The following FYB1 variants were observed in gnomAD, a reference collection of about 807,000 sequenced individuals.
FYB1 encodes FYN-binding protein 1.
FYB1 carries 41 observed loss-of-function variants against 94.1 expected under a neutral mutation model. The ratio of observed to expected loss-of-function variants is 0.44; its 90% CI spans 0.34 to 0.57. The LOEUF is 0.57. FYB1 is among the 20% of genes least tolerant of loss of function. The probability of loss-of-function intolerance (pLI) is 0.02; values close to 1 mark genes in which losing one functional copy is unlikely to be tolerated. For synonymous variants in FYB1, 367 were observed against 353.2 expected, an observed-to-expected ratio of 1.04 and a Z score of -0.44; for missense variants, 1,050 against 976.8, an observed-to-expected ratio of 1.07 and a Z score of -1.00.
chr5:39,211,905 A>G (rs1229671802), intron 1 of FYB1, among the ~76,000 whole-genome samples: 1 of 152,052 alleles, frequency 6.6e-6, no homozygotes, highest in East Asian at 1.9e-4. Context: ...GGGGTGGAGG[A>G]ATGAGGCTAT....
chr5:39,153,344 A>G, intron 3 of FYB1, 104 bp downstream of exon 3: 1 of 1,419,322 alleles, frequency 7.0e-7, no homozygotes, highest in Non-Finnish European at 9.9e-7. Context: ...CCACTTTTGT[A>G]GACCCAGAAG....
chr5:39,159,743 A>C (rs1334411231), intron 2 of FYB1, among the ~76,000 whole-genome samples: 1 of 152,106 alleles, frequency 6.6e-6, no homozygotes, highest in Non-Finnish European at 1.5e-5. Flanking sequence ...ACATTCTAAC[A>C]ATGGCATTTT....
At chr5:39,223,861 T>C (rs552370753), upstream of FYB1, among the ~76,000 whole-genome samples, 1 of 152,270 alleles carries the variant, frequency 6.6e-6, no homozygotes, top group South Asian at 2.1e-4. Context: ...ATTTCAGATA[T>C]AAGAATTTCT....
intron 2 of FYB1, among the ~76,000 whole-genome samples, chr5:39,168,003 A>G (rs1343989617): frequency 6.6e-6 from 1 of 152,248 alleles, no homozygotes; most frequent in East Asian, 1.9e-4. Context: ...CACAAAAGAC[A>G]CTTTATAAAT....
upstream of FYB1, among the ~76,000 whole-genome samples, chr5:39,223,589 A>G (rs947754208): frequency 6.6e-6 from 1 of 152,222 alleles, no homozygotes; most frequent in Non-Finnish European, 1.5e-5. Context: ...CTAACACCTC[A>G]GTGCTTCTGG....
At chr5:39,242,990 T>G (rs1206178973) in intron 1 of FYB1, among the ~76,000 whole-genome samples, 1 of 152,192 alleles carries the variant, frequency 6.6e-6, no homozygotes, top group African/African-American at 2.4e-5. Context: ...TGGGGTTGTT[T>G]GTTTATTTCT....
At chr5:39,231,413 C>T (rs1750740067) in intron 1 of FYB1, among the ~76,000 whole-genome samples, 1 of 152,034 alleles carries the variant, frequency 6.6e-6, no homozygotes, top group South Asian at 2.1e-4. Context: ...CTGTTAGGTG[C>T]TATGGCAAAG....
chr5:39,190,792 G>GTGTGT (rs74849291), intron 2 of FYB1, among the ~76,000 whole-genome samples: 3 of 150,518 alleles, frequency 2.0e-5, no homozygotes, highest in South Asian at 2.1e-4. Flanking sequence ...GTGTGTGTGT[G>GTGTGT]AGAGAGAGAT....
At chr5:39,240,483 A>C (rs1165048636) in intron 1 of FYB1, among the ~76,000 whole-genome samples, 1 of 152,226 alleles carries the variant, frequency 6.6e-6, no homozygotes, top group Non-Finnish European at 1.5e-5. Flanking sequence ...ACAAGCCAAA[A>C]TCAATGCCAT....
chr5:39,126,837 T>C lies in FYB1; in HGVS notation c.1908-702A>G, dbSNP rs866973224. ...ACTTTGGGAGGCTAGGGCAGGCAGA[T>C]CACCCGAGATCAGAAGTTCGAGACC... On this transcript the variant is annotated intron_variant, in intron 11 of 18. Coordinates refer to ENST00000512982, the MANE Select transcript of FYB1 (RefSeq NM_001465.6). Among the ~76,000 whole-genome samples, 14 of 151,284 alleles carry C rather than the reference T, an allele frequency of 9.3e-5. 1 individual carries two copies. In the South Asian group the frequency reaches 2.9e-3, roughly 32 times the overall value.
chr5:39,145,259 G>A (rs145280285), intron 3 of FYB1, among the ~76,000 whole-genome samples: 173 of 152,288 alleles, frequency 1.1e-3, no homozygotes, highest in African/African-American at 3.8e-3. Flanking sequence ...CAATTTAATA[G>A]ATTTATGAGA....
At chr5:39,129,321 A>G (rs957086044) in intron 10 of FYB1, among the ~76,000 whole-genome samples, 3 of 152,120 alleles carry the variant, frequency 2.0e-5, no homozygotes, top group African/African-American at 4.8e-5. Flanking sequence ...AGATAGATTA[A>G]GGATTTAAAC....
intron 2 of FYB1, among the ~76,000 whole-genome samples, chr5:39,165,221 A>G (rs1354419818): frequency 6.6e-6 from 1 of 152,234 alleles, no homozygotes; most frequent in South Asian, 2.1e-4. Flanking sequence ...GAGCCATCAC[A>G]TTACCTGTCT....
intron 1 of FYB1, among the ~76,000 whole-genome samples, chr5:39,273,432 C>T (rs944204668): frequency 6.6e-6 from 1 of 152,166 alleles, no homozygotes; most frequent in Non-Finnish European, 1.5e-5. Context: ...ATATGTCAAA[C>T]ATCACATATG....
In FYB1 at chr5:39,247,144, C is replaced by A. The variant is rs1444584365; in HGVS notation, c.-28+27259G>T. Among the ~76,000 whole-genome samples the A allele has an allele frequency of 2.5e-5, 3 of 119,922 alleles. No homozygotes were observed. In the Admixed American group the frequency reaches 2.8e-4, roughly 11 times the overall value. 78.7% of individuals were successfully genotyped at this position (119,922 alleles called of 152,430 possible). On this transcript the variant is annotated intron_variant, in intron 1 of 1. Coordinates refer to the FYB1 transcript ENST00000510188. ...TATATACCATTTGTCAAATGAATAGCTTTTCTTTCTCTCCTTTCAACTGAG... is the reference window on the plus strand; with the variant it reads ...TATATACCATTTGTCAAATGAATAGATTTTCTTTCTCTCCTTTCAACTGAG...
intron 1 of FYB1, among the ~76,000 whole-genome samples, chr5:39,209,376 G>C (rs1308429620): frequency 6.6e-6 from 1 of 151,262 alleles, no homozygotes; most frequent in Non-Finnish European, 1.5e-5. Flanking sequence ...ACCCAGGCTG[G>C]AGTGCAGTAG....
chr5:39,136,378 G>A (rs971951140), intron 7 of FYB1, among the ~76,000 whole-genome samples: 7 of 152,124 alleles, frequency 4.6e-5, no homozygotes, highest in Non-Finnish European at 1.0e-4. Context: ...CTACGATATA[G>A]ATTTTCATAA....
Position 39,183,714 on chromosome 5 carries a change from A to C in FYB1, c.1135+18112T>G, listed in dbSNP as rs552605337. Among the ~76,000 whole-genome samples the C allele has an allele frequency of 7.2e-5, 11 of 152,342 alleles. No homozygotes were observed. In the East Asian group the frequency reaches 2.1e-3, roughly 29 times the overall value. On this transcript the variant is annotated intron_variant, in intron 2 of 18. Coordinates refer to ENST00000512982, the MANE Select transcript of FYB1 (RefSeq NM_001465.6). ...ATTCTTGACTTTGTAAAAATCAAAA[A>C]GGCATTTGCCACTTAAAGATGGACT...
intron 4 of FYB1, among the ~76,000 whole-genome samples, chr5:39,140,842 CAT>C (rs1305807534): frequency 6.6e-6 from 1 of 152,136 alleles, no homozygotes; most frequent in Non-Finnish European, 1.5e-5. Context: ...TACATGCATA[CAT>C]GTCACAATAT....
Sources: gnomAD v4.1 joint callset for allele counts (sites outside exome capture counted in the v4.1 genomes callset) on GRCh38, gnomAD v4.1.1 for gene constraint, MANE v1.5 for transcripts, NCBI Gene and HGNC (gene_info 2026-07-23, HGNC 2026-07-21) for gene names.